ZFAND5: variants seen among roughly 807,000 people sequenced by gnomAD.
ZFAND5 encodes AN1-type zinc finger protein 5.
ZFAND5 carries 4 observed loss-of-function variants against 23.6 expected under a neutral mutation model. The observed-to-expected ratio is 0.17, with a 90% CI of 0.08 to 0.39. ZFAND5 has a LOEUF of 0.39. Among genes scored for constraint, ZFAND5 ranks in the 10% least tolerant of loss-of-function variants. The pLI is 1.00. For synonymous variants in ZFAND5, 68 were observed against 80.6 expected (o/e 0.84, Z 0.84); for missense variants, 161 against 253.7 (o/e 0.63, Z 2.48).
intron 5 of ZFAND5, among the ~76,000 whole-genome samples, chr9:72,358,676 A>G (rs768169523): frequency 2.9e-4 from 44 of 152,150 alleles, no homozygotes; most frequent in Admixed American, 7.2e-4. Flanking sequence ...AACAAACTTG[A>G]CTGCTGTTAG....
rs1343625187 is a variant in ZFAND5 at position 72,365,195 on chromosome 9, C to T, written c.-646G>A. 2 of 152,224 alleles carry T rather than the reference C, an allele frequency of 1.3e-5. No individual in the cohort carries two copies. Among genetic ancestry groups the T allele is most frequent in the Non-Finnish European group, 2.9e-5 (2 of 68,058 alleles). The allele number at this position is 152,224 out of a possible 1,614,324, so 9.4% of individuals were successfully genotyped here. On this transcript the variant is annotated 5_prime_UTR_variant, in exon 1 of 7. Coordinates refer to ENST00000376962, the MANE Select transcript of ZFAND5 (RefSeq NM_001102420.3). ...GTAGGAGATGCACACAGCTCCGCGT[C>T]CCGGCCGACTAACGCACTCGCCGCC...
chr9:72,364,668 C>T (rs1842212794), intron 1 of ZFAND5, 28 bp downstream of exon 1: 6 of 1,123,388 alleles, frequency 5.3e-6, no homozygotes, highest in Non-Finnish European at 6.7e-6. Context: ...AGGAGCCCGG[C>T]TCCCACCCGC....
In ZFAND5 at chr9:72,356,919, G is replaced by A. The variant is rs1277532164; in HGVS notation, c.493+12C>T. The A allele has an allele frequency of 6.2e-7, 1 of 1,610,492 alleles. No individual in the cohort carries two copies. On this transcript the variant is annotated intron_variant, in intron 6 of 6. Coordinates refer to ENST00000376962, the MANE Select transcript of ZFAND5 (RefSeq NM_001102420.3). ...AGAAGTAAAACATACATTGTCTTGT[G>A]TTTTGTAATACCTGTAAGACCAACT...
chr9:72,364,228 C>A, intron 1 of ZFAND5: 1 of 324,824 alleles, frequency 3.1e-6, no homozygotes, highest in Non-Finnish European at 5.4e-6. Flanking sequence ...GCTCAGCAGG[C>A]CCGGCCAGCC....
chr9:72,358,431 C>T (rs1031271770), intron 5 of ZFAND5, among the ~76,000 whole-genome samples: 6 of 152,160 alleles, frequency 3.9e-5, no homozygotes, highest in Non-Finnish European at 8.8e-5. Flanking sequence ...CAGTGAATCA[C>T]AGAATGCCTA....
intron 4 of ZFAND5, among the ~76,000 whole-genome samples, chr9:72,359,868 A>G (rs1387269121): frequency 6.6e-6 from 1 of 152,228 alleles, no homozygotes; most frequent in African/African-American, 2.4e-5. Flanking sequence ...GACAATCCCT[A>G]AACCTCAATT....
At chr9:72,357,429 C>T (rs960619707) in intron 5 of ZFAND5, among the ~76,000 whole-genome samples, 3 of 152,106 alleles carry the variant, frequency 2.0e-5, no homozygotes, top group Non-Finnish European at 2.9e-5. Flanking sequence ...GCAAACTTTT[C>T]AATCAGGGCA....
At position 72,355,885 on chromosome 9, in the gene ZFAND5, G is replaced by C. The variant is rs1841929223; in HGVS notation, c.*68C>G. Reference sequence around the variant, plus strand: ...ATCAAAGAAAAATGGCCATGCATCTGCTCTTTAATGTTTTCCTACGATATA... The same window carrying C: ...ATCAAAGAAAAATGGCCATGCATCTCCTCTTTAATGTTTTCCTACGATATA... On this transcript the variant is annotated 3_prime_UTR_variant, in exon 7 of 7. Transcript: ENST00000376962. The C allele has an allele frequency of 6.9e-7, 1 of 1,455,648 alleles. No individual in the cohort carries two copies. The highest frequency in any genetic ancestry group is 9.3e-7 in the Non-Finnish European group (1 of 1,075,486). The allele number at this position is 1,455,648 out of a possible 1,614,324, so 90.2% of individuals were successfully genotyped here.
intron 3 of ZFAND5, 35 bp downstream of exon 3, chr9:72,360,593 T>G: frequency 3.7e-6 from 6 of 1,612,070 alleles, no homozygotes; most frequent in Non-Finnish European, 5.1e-6. Context: ...GTCCACCAGT[T>G]CTTTCAAATG....
chr9:72,359,992 G>A (rs953115606), intron 4 of ZFAND5, 118 bp downstream of exon 4: 3 of 769,704 alleles, frequency 3.9e-6, no homozygotes, highest in Non-Finnish European at 6.2e-6. Context: ...TGTATTAAAA[G>A]ACACTGAAAT....
intron 6 of ZFAND5, 22 bp downstream of exon 6, chr9:72,356,909 A>G (rs1194860827): frequency 1.2e-6 from 2 of 1,610,150 alleles, no homozygotes; most frequent in South Asian, 1.1e-5. Flanking sequence ...TAAAACATAC[A>G]TTGTCTTGTG....
At chr9:72,364,224 C>G (rs1028572084) in intron 1 of ZFAND5, 11 of 313,060 alleles carry the variant, frequency 3.5e-5, no homozygotes, top group Non-Finnish European at 5.2e-5. Flanking sequence ...AGCAGCTCAG[C>G]AGGCCCGGCC....
chr9:72,364,740 G>C lies in ZFAND5; in HGVS notation c.-191C>G. The C allele has an allele frequency of 1.6e-6, 1 of 629,134 alleles. No individual in the cohort carries two copies. The allele number at this position is 629,134 out of a possible 1,614,324, so 39.0% of individuals were successfully genotyped here. A position where few individuals can be genotyped will look rare whatever the true frequency, so the allele number is the denominator to read the frequency against. ...GAAAGCCGGGTTCGCGCGCGAAGCC[G>C]GCACGATGAGGCCGGGCCGAGGCCT... On this transcript the variant is annotated 5_prime_UTR_variant, in exon 1 of 7. Transcript: ENST00000376962.
chr9:72,360,340 T>C, intron 3 of ZFAND5, 119 bp from the exon 4 acceptor site: 1 of 931,526 alleles, frequency 1.1e-6, no homozygotes, highest in Non-Finnish European at 1.7e-6. Context: ...TTCACTGTGC[T>C]GTAATCCTAT....
At position 72,355,816 on chromosome 9, in the gene ZFAND5, ATCAATTATAAGACAG is replaced by A; in HGVS notation, c.*122_*136del. ...AACAAACACCCAAACATCCTAAAAT[ATCAATTATAAGACAG>A]ACAAGTGTAATGTAAAACTCTGGAG... On this transcript the variant is annotated 3_prime_UTR_variant, in exon 7 of 7. Transcript: ENST00000376962. 1.2e-6 allele frequency: 1 copy of A among 812,850 alleles called. No individual in the cohort carries two copies. The highest frequency in any genetic ancestry group is 1.7e-5 in the African/African-American group (1 of 57,220). The allele number at this position is 812,850 out of a possible 1,614,324, so 50.4% of individuals were successfully genotyped here.
At chr9:72,360,026 TC>T (rs1587875823) in intron 4 of ZFAND5, 83 bp downstream of exon 4, 2 of 1,128,558 alleles carry the variant, frequency 1.8e-6, no homozygotes, top group South Asian at 3.0e-5. Context: ...GCCAAGGGTA[TC>T]TATTAACTTA....
At chr9:72,357,478 A>G (rs1841976691) in intron 5 of ZFAND5, among the ~76,000 whole-genome samples, 1 of 152,192 alleles carries the variant, frequency 6.6e-6, no homozygotes, top group South Asian at 2.1e-4. Context: ...ACAGTAGCCA[A>G]CTTTGATTTT....
intron 6 of ZFAND5, among the ~76,000 whole-genome samples, chr9:72,356,490 G>A (rs1841947660): frequency 6.6e-6 from 1 of 152,084 alleles, no homozygotes. Flanking sequence ...ATTTACACAG[G>A]CTCTGGAGTT....
rs370425169 is a variant in ZFAND5, at chr9:72,352,979, A to G, written c.*2974T>C. On this transcript the variant is annotated 3_prime_UTR_variant, in exon 7 of 7. Coordinates refer to ENST00000376962, the MANE Select transcript of ZFAND5 (RefSeq NM_001102420.3). ...AGAAACAGCTTTCCCTCACAAACTA[A>G]TTTTCCCCACGTTGTGGGAAGCCTA... 2 of 152,256 alleles carry G rather than the reference A, an allele frequency of 1.3e-5. No homozygotes were observed. Among genetic ancestry groups the G allele is most frequent in the South Asian group, 2.1e-4 (1 of 4,830 alleles). 9.4% of individuals were successfully genotyped at this position (152,256 alleles called of 1,614,324 possible).
Sources: allele counts gnomAD v4.1 joint callset (sites outside exome capture counted in the v4.1 genomes callset), GRCh38; gene constraint gnomAD v4.1.1; transcripts MANE v1.5; gene names NCBI Gene and HGNC (gene_info 2026-07-23, HGNC 2026-07-21).